PICK1: variants seen among roughly 807,000 people sequenced by gnomAD.
PICK1 encodes protein interacting with PRKCA 1.
Under a neutral mutation model 48.9 loss-of-function variants are expected in PICK1, and 23 were observed. The ratio of observed to expected loss-of-function variants is 0.47; its 90% CI spans 0.34 to 0.67. The LOEUF (loss-of-function observed/expected upper bound fraction) is 0.67, where lower values mean the gene tolerates loss of function less well. PICK1 is among the 30% of genes least tolerant of loss of function. PICK1 has a pLI of 0.01. For missense variants in PICK1, 423 were observed against 557.1 expected, an observed-to-expected ratio of 0.76 and a Z score of 2.42; for synonymous variants, 217 against 228.2, an observed-to-expected ratio of 0.95 and a Z score of 0.44.
intron 6 of PICK1, among the ~76,000 whole-genome samples, chr22:38,070,112 C>T (rs145385486): frequency 3.9e-5 from 6 of 152,318 alleles, no homozygotes; most frequent in Non-Finnish European, 8.8e-5. Flanking sequence ...GTCGCACTGC[C>T]ACCTCCCTGC....
At position 38,071,725 on chromosome 22, in the gene PICK1, G is replaced by A; in HGVS notation, c.537G>A (p.Glu179=). 1 of 1,613,570 alleles carries A rather than the reference G, an allele frequency of 6.2e-7. No individual in the cohort carries two copies. The highest frequency in any genetic ancestry group is 8.5e-7 in the Non-Finnish European group (1 of 1,179,922). Residue 179 remains glutamate, a synonymous_variant, in exon 8 of 13, where the codon GAG becomes GAA. Coordinates refer to ENST00000356976, the MANE Select transcript of PICK1 (RefSeq NM_012407.4). ...AGAACCTCCTACGGGCCTTTTATGA[G>A]CTGTCGCAGACTCACCGGGGTAATG... ...HTKNLLRAFY[E]LSQTHRAFGD... is the part of the protein sequence containing the mutation.
At chr22:38,063,079 T>G (rs2085442628) in intron 3 of PICK1, among the ~76,000 whole-genome samples, 1 of 152,182 alleles carries the variant, frequency 6.6e-6, no homozygotes, top group Non-Finnish European at 1.5e-5. Flanking sequence ...TTGTCATGTA[T>G]CTCGATGATG....
rs373471158 is a variant in PICK1, at chr22:38,057,527, C to A, written c.-118C>A. On this transcript the variant is annotated 5_prime_UTR_variant, in exon 1 of 13. Coordinates refer to ENST00000356976, the MANE Select transcript of PICK1 (RefSeq NM_012407.4). ...GGCAGCTCCCCAGGGCCTGGAGACC[C>A]GTGGGGCGGACTCTGGGATCTGAGC... 8.0e-6 allele frequency: 4 copies of A among 498,632 alleles called. No individual in the cohort carries two copies. In the East Asian group the frequency reaches 1.4e-4, roughly 17 times the overall value. 30.9% of individuals were successfully genotyped at this position (498,632 alleles called of 1,614,324 possible).
chr22:38,062,343 G>C (rs907064521), intron 3 of PICK1, among the ~76,000 whole-genome samples: 1 of 151,094 alleles, frequency 6.6e-6, no homozygotes, highest in African/African-American at 2.4e-5. Context: ...CAGCCCCCGG[G>C]TTCAAGTGAT....
In PICK1 at chr22:38,058,176, A is replaced by C. The variant is rs112029867; in HGVS notation, c.41+326A>C. On this transcript the variant is annotated intron_variant, in intron 2 of 12. Transcript: ENST00000356976. ...CAATTGAACCAGGTTTTGAAGGTTGAATAGGAATATTGTAGACACCCTTCC... is the reference window on the plus strand; with the variant it reads ...CAATTGAACCAGGTTTTGAAGGTTGCATAGGAATATTGTAGACACCCTTCC... 4.4e-3 allele frequency: 1,865 copies of C among 422,616 alleles called. 32 individuals carry two copies. The highest frequency in any genetic ancestry group is 0.034 in the African/African-American group (1,723 of 50,060). The allele number at this position is 422,616 out of a possible 1,614,324, so 26.2% of individuals were successfully genotyped here. A position where few individuals can be genotyped will look rare whatever the true frequency, so the allele number is the denominator to read the frequency against.
rs368390981 is a variant in PICK1, at chr22:38,072,587, C to A, written c.667C>A (p.Arg223=). Residue 223 remains arginine (R), a synonymous_variant, in exon 9 of 13, where the codon CGG becomes AGG. Coordinates refer to ENST00000356976, the MANE Select transcript of PICK1 (RefSeq NM_012407.4). ...AHRSIEKFGI[R]LLKTIKPMLT... The stretch of plus-strand genomic sequence containing the variant: ...CCGCAGCATCGAGAAGTTCGGCATT[C>A]GGCTTCTGAAAACCATCAAGCCGGT... The A allele has an allele frequency of 6.2e-7, 1 of 1,613,272 alleles. No individual in the cohort carries two copies. Among genetic ancestry groups the A allele is most frequent in the South Asian group, 1.1e-5 (1 of 91,084 alleles).
rs923555440 is a variant in PICK1, at chr22:38,075,040, G to C, written c.1156G>C (p.Glu386Gln). The C allele has an allele frequency of 1.2e-5, 19 of 1,613,238 alleles. No individual in the cohort carries two copies. The highest frequency in any genetic ancestry group is 1.4e-5 in the Non-Finnish European group (17 of 1,180,026). Residue 386 changes from glutamate (E) to glutamine (Q), a missense_variant, in exon 13 of 13, where the codon GAG (glutamate) becomes CAG (glutamine). Around this residue, in one of 2 missense-constraint regions of PICK1, gnomAD observed 144 missense variants for 139.3 expected, o/e 1.03. Transcript: ENST00000356976. Reference protein sequence around the residue: ...EEFTDGEEEEEEEDTAAGEPS... With the variant: ...EEFTDGEEEEQEEDTAAGEPS... ...GTTCACAGATGGGGAGGAGGAGGAGGAGGAGGAAGACACGGCAGCTGGGGA... is the reference window on the plus strand; with the variant it reads ...GTTCACAGATGGGGAGGAGGAGGAGCAGGAGGAAGACACGGCAGCTGGGGA...
chr22:38,057,653 G>C (rs964244085), intron 1 of PICK1, 66 bp downstream of exon 1: 18 of 645,612 alleles, frequency 2.8e-5, no homozygotes, highest in Non-Finnish European at 1.1e-5. Flanking sequence ...GGAAGAGGAG[G>C]GCACTGCTGT....
chr22:38,070,934 G>A, intron 7 of PICK1, 43 bp downstream of exon 7: 1 of 1,539,282 alleles, frequency 6.5e-7, no homozygotes, highest in Non-Finnish European at 9.0e-7. Flanking sequence ...CTCTACCCCA[G>A]GGAGCATGCT....
At chr22:38,064,817 G>A (rs189323022) in intron 3 of PICK1, among the ~76,000 whole-genome samples, 185 bp from the exon 4 acceptor site, 1 of 152,184 alleles carries the variant, frequency 6.6e-6, no homozygotes, top group East Asian at 1.9e-4. Context: ...TGGAGCCCAG[G>A]AGTTCAGTGC....
rs770795862 is a variant in PICK1 at position 38,073,059 on chromosome 22, C to G, written c.750C>G (p.Ile250Met). Reference sequence around the variant, plus strand: ...CCATCCCGGACACTCGCCTCACCATCAAGAAGTACCTGGACGTGAAGTTTG... The same window carrying G: ...CCATCCCGGACACTCGCCTCACCATGAAGAAGTACCTGGACGTGAAGTTTG... Reference protein sequence around the residue: ...NKAIPDTRLTIKKYLDVKFEY... With the variant: ...NKAIPDTRLTMKKYLDVKFEY... Residue 250 changes from isoleucine (I) to methionine (M), a missense_variant, in exon 10 of 13, where the codon ATC (isoleucine) becomes ATG (methionine). By Grantham distance (10) the Ile-to-Met change is conservative (BLOSUM62 1). This residue lies in a region of PICK1 where 279 missense variants were observed against 417.8 expected (regional missense o/e 0.67). Coordinates refer to ENST00000356976, the MANE Select transcript of PICK1 (RefSeq NM_012407.4). This position sits in a 1 kb window ranked among gnomAD's most constrained non-coding sequence, Gnocchi z 5.7. 1.9e-6 allele frequency: 3 copies of G among 1,613,616 alleles called. No individual in the cohort carries two copies. The South Asian group carries it at 3.3e-5, about 18-fold the overall frequency.
chr22:38,070,265 A>G (rs368860110), intron 6 of PICK1, among the ~76,000 whole-genome samples: 13 of 152,344 alleles, frequency 8.5e-5, no homozygotes, highest in African/African-American at 2.6e-4. Flanking sequence ...ACTGCTGTCC[A>G]TCGCCCGGCC....
At chr22:38,065,579 A>AACT (rs1204549045) in intron 4 of PICK1, among the ~76,000 whole-genome samples, 1 of 152,062 alleles carries the variant, frequency 6.6e-6, no homozygotes, top group Non-Finnish European at 1.5e-5. Flanking sequence ...ATCCTGTAGG[A>AACT]ACTTTCGGTC....
chr22:38,068,934 G>GCC (rs902647482), intron 5 of PICK1, 99 bp from the exon 6 acceptor site: 2 of 965,296 alleles, frequency 2.1e-6, no homozygotes, highest in Non-Finnish European at 3.3e-6. Context: ...CAGCCCTTCT[G>GCC]CCCCCTGTGG....
At chr22:38,062,000 A>G (rs2085414822) in intron 3 of PICK1, among the ~76,000 whole-genome samples, 1 of 152,170 alleles carries the variant, frequency 6.6e-6, no homozygotes, top group Non-Finnish European at 1.5e-5. Flanking sequence ...TGTTCGGGAA[A>G]TCTTTTCCAG....
At position 38,059,323 on chromosome 22, in the gene PICK1, G is replaced by A. The variant is rs1327458589; in HGVS notation, c.131G>A (p.Cys44Tyr). 1.9e-6 allele frequency: 3 copies of A among 1,561,634 alleles called. No homozygotes were observed. The highest frequency in any genetic ancestry group is 2.6e-6 in the Non-Finnish European group (3 of 1,152,522). The change falls in exon 3 of 13, where the codon TGT becomes TAT. Residue 44 changes from cysteine (C) to tyrosine (Y), a missense_variant. Around this residue, in one of 2 missense-constraint regions of PICK1, gnomAD observed 279 missense variants for 417.8 expected, o/e 0.67. Coordinates refer to ENST00000356976, the MANE Select transcript of PICK1 (RefSeq NM_012407.4). The stretch of plus-strand genomic sequence containing the variant: ...AGCATTGGAGGAGGGGCCCAGTACT[G>A]TCCCTGCCTCTATATCGTCCAGGTA... The part of the protein sequence containing the change: ...GISIGGGAQY[C>Y]PCLYIVQVFD...
Position 38,074,985 on chromosome 22 carries a change from C to A in PICK1, c.1101C>A (p.Thr367=), listed in dbSNP as rs1223624927. The A allele has an allele frequency of 6.2e-7, 1 of 1,613,614 alleles. No homozygotes were observed. Among genetic ancestry groups the A allele is most frequent in the African/African-American group, 1.3e-5 (1 of 74,936 alleles). Residue 367 remains threonine, a synonymous_variant, in exon 13 of 13, where the codon ACC becomes ACA. Coordinates refer to ENST00000356976, the MANE Select transcript of PICK1 (RefSeq NM_012407.4). This position sits in a 1 kb window ranked among gnomAD's most constrained non-coding sequence, Gnocchi z 4.5. The part of the protein sequence containing the change: ...VFPIEVDLAH[T]TLAYGLNQEE... ...CCATCGAGGTAGACCTGGCGCACAC[C>A]ACATTGGCCTATGGCCTCAACCAGG... is the stretch of plus-strand genomic sequence containing the variant.
chr22:38,070,609 G>A (rs2085654501), intron 6 of PICK1, among the ~76,000 whole-genome samples: 1 of 152,172 alleles, frequency 6.6e-6, no homozygotes, highest in Non-Finnish European at 1.5e-5. Flanking sequence ...AAGTGTGGGA[G>A]CTTTGCCTGC....
chr22:38,072,912 C>T (rs1226815075), intron 9 of PICK1, 88 bp from the exon 10 acceptor site: 1 of 937,978 alleles, frequency 1.1e-6, no homozygotes, highest in Non-Finnish European at 1.8e-6. Flanking sequence ...GTCGAGTCCA[C>T]CAACAAGGGT....
Sources: gnomAD v4.1 joint callset for allele counts (sites outside exome capture counted in the v4.1 genomes callset) on GRCh38, gnomAD v4.1.1 for gene constraint, gnomAD v4.1.1 regional missense constraint, Gnocchi (gnomAD v3.1) non-coding constraint, MANE v1.5 for transcripts, NCBI Gene and HGNC (gene_info 2026-07-23, HGNC 2026-07-21) for gene names.